The following LUZP2 variants were observed in gnomAD, a reference collection of about 807,000 sequenced individuals.
The protein encoded by LUZP2 is leucine zipper protein 2.
LUZP2 carries 52 observed loss-of-function variants against 51.6 expected under a neutral mutation model. That is an observed-to-expected ratio of 1.01 (90% CI 0.81 to 1.27). The LOEUF is 1.27. Ranked by LOEUF, LUZP2 falls within the 50% of genes most tolerant of loss-of-function variation. The pLI is 0.00. For synonymous variants in LUZP2, 154 were observed against 137.3 expected, an observed-to-expected ratio of 1.12 and a Z score of -0.85; for missense variants, 436 against 395.4, an observed-to-expected ratio of 1.10 and a Z score of -0.87.
intron 1 of LUZP2, among the ~76,000 whole-genome samples, chr11:24,702,507 C>T (rs2133912833): frequency 6.6e-6 from 1 of 152,294 alleles, no homozygotes; most frequent in East Asian, 1.9e-4. Flanking sequence ...AGCTTACAAT[C>T]ATGGCAGAAG....
intron 5 of LUZP2, among the ~76,000 whole-genome samples, chr11:24,879,918 T>C (rs1852405835): frequency 6.6e-6 from 1 of 152,098 alleles, no homozygotes; most frequent in African/African-American, 2.4e-5. Context: ...CAGTCTGTGG[T>C]TGAGAGAGGA....
chr11:24,574,038 G>A (rs1852525825), intron 1 of LUZP2, among the ~76,000 whole-genome samples: 1 of 151,224 alleles, frequency 6.6e-6, no homozygotes, highest in South Asian at 2.1e-4. Flanking sequence ...TTGTGCTTGA[G>A]GTCTTTTATT....
rs16913568 is a variant in LUZP2 at position 25,043,296 on chromosome 11, T to C, written c.766-6742T>C. 7.9e-3 allele frequency among the ~76,000 whole-genome samples: 1,202 copies of C among 152,268 alleles called. 34 individuals are homozygous for C. The East Asian group carries it at 0.099, about 13-fold the overall frequency. On this transcript the variant is annotated intron_variant, in intron 9 of 11. Coordinates refer to ENST00000336930, the MANE Select transcript of LUZP2 (RefSeq NM_001009909.4). ...ATAAAGTAGAACATTGACATATCTT[T>C]TGGGGACCTCCACATTCTACCATTT...
intron 1 of LUZP2, among the ~76,000 whole-genome samples, chr11:24,498,070 C>T (rs1328903113): frequency 6.6e-6 from 1 of 152,106 alleles, no homozygotes; most frequent in African/African-American, 2.4e-5. Context: ...TTTGTGACTC[C>T]CCACTGTTGA....
At chr11:24,796,081 T>A (rs2134105276) in intron 5 of LUZP2, among the ~76,000 whole-genome samples, 1 of 152,198 alleles carries the variant, frequency 6.6e-6, no homozygotes, top group Non-Finnish European at 1.5e-5. Context: ...AACAAGCAAC[T>A]TTGTTTTTTG....
At chr11:24,800,639 T>C in intron 5 of LUZP2, among the ~76,000 whole-genome samples, 1 of 152,216 alleles carries the variant, frequency 6.6e-6, no homozygotes, top group African/African-American at 2.4e-5. Flanking sequence ...ATCTTCCTCA[T>C]GCATCTCTAA....
chr11:24,760,443 A>G (rs533720044), intron 4 of LUZP2, among the ~76,000 whole-genome samples: 7 of 152,230 alleles, frequency 4.6e-5, no homozygotes, highest in Non-Finnish European at 1.5e-5. Context: ...AACTTGAACT[A>G]TCTACCTAAT....
At chr11:24,556,539 T>C (rs1851875173) in intron 1 of LUZP2, among the ~76,000 whole-genome samples, 1 of 152,092 alleles carries the variant, frequency 6.6e-6, no homozygotes, top group South Asian at 2.1e-4. Flanking sequence ...AAGGGTGTGG[T>C]ATATGTGGTG....
At chr11:24,699,138 ACTCT>A (rs1215527932) in intron 1 of LUZP2, among the ~76,000 whole-genome samples, 20 of 148,164 alleles carry the variant, frequency 1.3e-4, no homozygotes, top group Admixed American at 8.1e-4. Context: ...CGAAACAATA[ACTCT>A]CTCTATTCAT....
intron 1 of LUZP2, among the ~76,000 whole-genome samples, chr11:24,708,442 CA>C (rs1295277670): frequency 2.0e-5 from 3 of 152,102 alleles, no homozygotes; most frequent in Non-Finnish European, 2.9e-5. Context: ...ACATTTTTAA[CA>C]AATGCCTCTT....
At chr11:24,809,333 G>T (rs1010258349) in intron 5 of LUZP2, among the ~76,000 whole-genome samples, 2 of 152,130 alleles carry the variant, frequency 1.3e-5, no homozygotes, top group African/African-American at 4.8e-5. Context: ...CAGAATTCCT[G>T]CAGAAACAAA....
intron 1 of LUZP2, among the ~76,000 whole-genome samples, chr11:24,645,009 C>CT: frequency 6.6e-6 from 1 of 152,172 alleles, no homozygotes; most frequent in East Asian, 1.9e-4. Flanking sequence ...TTCCAATGCC[C>CT]TTTTTGTATT....
At chr11:24,657,190 G>A (rs971411856) in intron 1 of LUZP2, among the ~76,000 whole-genome samples, 3 of 152,136 alleles carry the variant, frequency 2.0e-5, no homozygotes, top group Admixed American at 1.3e-4. Flanking sequence ...GATAATGGAG[G>A]CATGATTTGG....
At chr11:24,584,294 A>G (rs1387582605) in intron 1 of LUZP2, among the ~76,000 whole-genome samples, 1 of 150,960 alleles carries the variant, frequency 6.6e-6, no homozygotes, top group Non-Finnish European at 1.5e-5. Context: ...CCCCACCTCC[A>G]CTCCTCCTCA....
chr11:24,685,094 A>T (rs556317589), intron 1 of LUZP2, among the ~76,000 whole-genome samples: 5 of 151,246 alleles, frequency 3.3e-5, no homozygotes, highest in Non-Finnish European at 5.9e-5. Context: ...TCTATGGGAG[A>T]GAGTTGTCTA....
intron 1 of LUZP2, among the ~76,000 whole-genome samples, chr11:24,692,139 T>C (rs1172705973): frequency 6.6e-6 from 1 of 151,942 alleles, no homozygotes; most frequent in Non-Finnish European, 1.5e-5. Flanking sequence ...CACCCACTTA[T>C]GCATCAGCTT....
chr11:24,922,837 C>CT (rs749672583), intron 7 of LUZP2, among the ~76,000 whole-genome samples: 1,102 of 47,380 alleles, frequency 0.023, 31 homozygotes, highest in Non-Finnish European at 0.031. Context: ...TTTTTTTTTT[C>CT]TTTTTTTTTT....
chr11:24,755,366 T>G (rs1198008176), intron 4 of LUZP2, among the ~76,000 whole-genome samples: 1 of 152,132 alleles, frequency 6.6e-6, no homozygotes, highest in Non-Finnish European at 1.5e-5. Flanking sequence ...GTGCTTTCTG[T>G]TTTCCTGACA....
At chr11:24,562,213 T>G (rs1442090448) in intron 1 of LUZP2, among the ~76,000 whole-genome samples, 1 of 152,076 alleles carries the variant, frequency 6.6e-6, no homozygotes, top group African/African-American at 2.4e-5. Flanking sequence ...TTGTAATCCT[T>G]TTGAAACGCA....
Sources: allele counts gnomAD v4.1 joint callset (sites outside exome capture counted in the v4.1 genomes callset), GRCh38; gene constraint gnomAD v4.1.1; transcripts MANE v1.5; gene names NCBI Gene and HGNC (gene_info 2026-07-23, HGNC 2026-07-21).